CAPN14: variants seen among roughly 807,000 people sequenced by gnomAD.
CAPN14 encodes calpain 14.
A neutral mutation model predicts 101.3 loss-of-function variants in CAPN14; 94 were observed. The observed-to-expected ratio is 0.93, with a 90% CI of 0.79 to 1.10. The LOEUF (loss-of-function observed/expected upper bound fraction) is 1.10. CAPN14 is among the 50% of genes least tolerant of loss of function. The pLI, the probability that CAPN14 is intolerant of heterozygous loss-of-function variation, is 0.00. For missense variants in CAPN14, 837 were observed against 828.4 expected (o/e 1.01, Z -0.13); for synonymous variants, 338 against 317.9 (o/e 1.06, Z -0.67).
chr2:31,185,572 T>C (rs1025350405), intron 16 of CAPN14, among the ~76,000 whole-genome samples: 1 of 152,226 alleles, frequency 6.6e-6, no homozygotes, highest in African/African-American at 2.4e-5. Flanking sequence ...TCCCTAGAAT[T>C]AGCCTAGAAT....
chr2:31,213,777 A>G (rs1242220629), intron 1 of CAPN14, among the ~76,000 whole-genome samples: 1 of 152,186 alleles, frequency 6.6e-6, no homozygotes, highest in Non-Finnish European at 1.5e-5. Flanking sequence ...TCCCTTATTT[A>G]GATGTGATAA....
intron 16 of CAPN14, among the ~76,000 whole-genome samples, chr2:31,183,892 C>A (rs1203704678): frequency 7.7e-6 from 1 of 129,564 alleles, no homozygotes; most frequent in Non-Finnish European, 1.6e-5. Flanking sequence ...CACTTTCTTT[C>A]TTTTTTTCTT....
chr2:31,188,387 T>A (rs781417947), intron 13 of CAPN14, 33 bp from the exon 14 acceptor site: 4 of 1,550,090 alleles, frequency 2.6e-6, no homozygotes, highest in Admixed American at 2.0e-5. Flanking sequence ...AAACTCAGAG[T>A]TTCCTCTTGG....
chr2:31,205,821 G>T (rs559199177), intron 1 of CAPN14, among the ~76,000 whole-genome samples: 1 of 152,000 alleles, frequency 6.6e-6, no homozygotes, highest in African/African-American at 2.4e-5. Context: ...GGAGGCAGGA[G>T]AAGAGAAGCA....
chr2:31,192,394 C>A (rs886802313), intron 10 of CAPN14, among the ~76,000 whole-genome samples: 1 of 152,180 alleles, frequency 6.6e-6, no homozygotes, highest in Non-Finnish European at 1.5e-5. Context: ...CCTGAGTAAG[C>A]AATTGTATTA....
At chr2:31,191,478 T>C (rs1681176003) in intron 11 of CAPN14, 71 bp from the exon 12 acceptor site, 12 of 1,467,624 alleles carry the variant, frequency 8.2e-6, no homozygotes, top group Non-Finnish European at 1.1e-5. Context: ...GCAGGGAATC[T>C]GGCTCTTTCA....
intron 6 of CAPN14, 66 bp downstream of exon 6, chr2:31,200,385 T>A (rs1681691967): frequency 7.1e-7 from 1 of 1,398,978 alleles, no homozygotes; most frequent in Non-Finnish European, 9.7e-7. Context: ...GTGAGGGTAG[T>A]GGTGGTGGAT....
In CAPN14 at chr2:31,178,861, G is replaced by A. The variant is rs1452338577; in HGVS notation, c.1711-282C>T. ...GATGACCACAGCTAGCATTAAGGGA[G>A]GCAGAATTTTTTTAATGCTATGAAA... is the stretch of plus-strand genomic sequence containing the variant. On this transcript the variant is annotated intron_variant, in intron 17 of 21. Transcript: ENST00000403897. 2.0e-5 allele frequency among the ~76,000 whole-genome samples: 3 copies of A among 151,980 alleles called. No homozygotes were observed. The South Asian group carries it at 6.2e-4, about 32-fold the overall frequency.
intron 1 of CAPN14, among the ~76,000 whole-genome samples, chr2:31,209,069 A>C (rs778656588): frequency 4.6e-5 from 7 of 152,036 alleles, no homozygotes; most frequent in Non-Finnish European, 7.4e-5. Context: ...TCCTGGGCTT[A>C]AGGGATCCTT....
chr2:31,223,827 C>T (rs540102974), intron 2 of CAPN14, among the ~76,000 whole-genome samples: 51 of 152,242 alleles, frequency 3.3e-4, no homozygotes, highest in East Asian at 1.5e-3. Context: ...CAAGCCTGGC[C>T]GCTTCTGTTT....
intron 1 of CAPN14, among the ~76,000 whole-genome samples, chr2:31,206,537 G>A (rs1682107474): frequency 6.6e-6 from 1 of 152,220 alleles, no homozygotes; most frequent in Non-Finnish European, 1.5e-5. Context: ...TTACAGGCGT[G>A]AGCCACCATG....
intron 1 of CAPN14, among the ~76,000 whole-genome samples, chr2:31,211,700 C>T (rs1349801141): frequency 3.6e-4 from 54 of 149,658 alleles, no homozygotes; most frequent in Admixed American, 3.5e-3. Context: ...CACACACACA[C>T]GATGGGAAGA....
At chr2:31,211,615 A>G (rs1558633629) in intron 1 of CAPN14, among the ~76,000 whole-genome samples, 1 of 151,738 alleles carries the variant, frequency 6.6e-6, no homozygotes, top group Non-Finnish European at 1.5e-5. Context: ...GCAATGACCA[A>G]TGAAGTTGTA....
chr2:31,189,672 C>T (rs200721074), intron 12 of CAPN14, 194 bp from the exon 13 acceptor site: 582 of 684,366 alleles, frequency 8.5e-4, no homozygotes, highest in South Asian at 1.6e-3. Context: ...TGCACCTTTG[C>T]TGGAACCTAT....
chr2:31,196,374 T>A (rs1681471794), intron 8 of CAPN14, among the ~76,000 whole-genome samples: 1 of 152,220 alleles, frequency 6.6e-6, no homozygotes. Flanking sequence ...CTGTAGCATG[T>A]TAAAATTTAT....
chr2:31,184,670 T>C (rs924397417), intron 16 of CAPN14, among the ~76,000 whole-genome samples: 3 of 152,240 alleles, frequency 2.0e-5, no homozygotes, highest in East Asian at 3.8e-4. Flanking sequence ...TTTTCTTCAT[T>C]TGCCATGCAC....
At chr2:31,193,857 C>A (rs943262089) in intron 9 of CAPN14, among the ~76,000 whole-genome samples, 4 of 152,098 alleles carry the variant, frequency 2.6e-5, no homozygotes, top group African/African-American at 9.7e-5. Flanking sequence ...TTAATGGGAG[C>A]AGTCCTTGGA....
intron 7 of CAPN14, among the ~76,000 whole-genome samples, chr2:31,198,463 T>G (rs1229735643): frequency 1.3e-5 from 2 of 152,184 alleles, no homozygotes; most frequent in African/African-American, 2.4e-5. Flanking sequence ...GAGACCTGTC[T>G]CAGATATTTG....
At chr2:31,181,198 A>G (rs2028675) in intron 16 of CAPN14, among the ~76,000 whole-genome samples, 198 bp from the exon 17 acceptor site, 55,580 of 151,854 alleles carry the variant, frequency 0.37, 12,158 homozygotes, top group African/African-American at 0.61. Flanking sequence ...GTCAAATGCT[A>G]TAGGGGATGC....
Sources: allele counts gnomAD v4.1 joint callset (sites outside exome capture counted in the v4.1 genomes callset), GRCh38; gene constraint gnomAD v4.1.1; transcripts MANE v1.5; gene names NCBI Gene and HGNC (gene_info 2026-07-23, HGNC 2026-07-21).